SUFU: variants seen among roughly 807,000 people sequenced by gnomAD.
The protein encoded by SUFU is suppressor of fused homolog.
In SUFU, 7 loss-of-function variants were observed where a neutral mutation model predicts 58.9. The observed-to-expected ratio is 0.12, with a 90% CI of 0.07 to 0.22. The LOEUF (loss-of-function observed/expected upper bound fraction) is 0.22, where lower values mean the gene tolerates loss of function less well. Ranked by LOEUF, SUFU falls within the 10% of genes least tolerant of loss-of-function variation. The probability of loss-of-function intolerance (pLI) is 1.00; values close to 1 mark genes in which losing one functional copy is unlikely to be tolerated. For synonymous variants in SUFU, 232 were observed against 254.8 expected (o/e 0.91, Z 0.85); for missense variants, 451 against 641.3 (o/e 0.70, Z 3.20).
chr10:102,551,946 C>T (rs1164903744), intron 3 of SUFU, among the ~76,000 whole-genome samples: 2 of 151,564 alleles, frequency 1.3e-5, no homozygotes, highest in Non-Finnish European at 2.9e-5. Context: ...AGGACGGTCT[C>T]GATCTCCTGA....
intron 3 of SUFU, among the ~76,000 whole-genome samples, chr10:102,561,314 G>A (rs1412747416): frequency 6.6e-6 from 1 of 152,178 alleles, no homozygotes; most frequent in Non-Finnish European, 1.5e-5. Context: ...TCCAGTAAAT[G>A]TTATCGTTAT....
At chr10:102,531,665 G>A (rs548397982) in intron 2 of SUFU, among the ~76,000 whole-genome samples, 1 of 152,276 alleles carries the variant, frequency 6.6e-6, no homozygotes, top group African/African-American at 2.4e-5. Context: ...TCCCAAATAA[G>A]GGATTGGTGC....
At chr10:102,573,835 A>C (rs141175110) in intron 3 of SUFU, among the ~76,000 whole-genome samples, 15 of 152,282 alleles carry the variant, frequency 9.9e-5, no homozygotes, top group Non-Finnish European at 2.1e-4. Context: ...GAAGCAGTGG[A>C]ATGGGGAGTT....
intron 2 of SUFU, among the ~76,000 whole-genome samples, chr10:102,545,244 G>A (rs1312676169): frequency 1.3e-5 from 2 of 151,102 alleles, no homozygotes. Context: ...CCCCCACCCT[G>A]GGTAGCTGGG....
rs919110211 is a variant in SUFU, at chr10:102,597,190, C to T, written c.807C>T (p.Val269=). 5 of 1,613,902 alleles carry T rather than the reference C, an allele frequency of 3.1e-6. No individual in the cohort carries two copies. The African/African-American group carries it at 5.3e-5, about 17-fold the overall frequency. ...CAGATGGCTCCAACCTGAGTGGTGT[C>T]AGTGCCAAGTGTGCCTGGGATGACC... The part of the protein sequence containing the change: ...IETDGSNLSG[V]SAKCAWDDLS... Residue 269 remains valine (V), a synonymous_variant, in exon 7 of 12, where the codon GTC becomes GTT. Coordinates refer to ENST00000369902, the MANE Select transcript of SUFU (RefSeq NM_016169.4).
chr10:102,519,137 C>CAAAAAA (rs386372286), intron 2 of SUFU, among the ~76,000 whole-genome samples: 1 of 86,754 alleles, frequency 1.2e-5, no homozygotes, highest in African/African-American at 4.5e-5. Context: ...GACTCTGTCT[C>CAAAAAA]AAAAAAAAAA....
intron 1 of SUFU, among the ~76,000 whole-genome samples, chr10:102,506,009 G>A (rs2062320827): frequency 1.4e-5 from 2 of 147,142 alleles, no homozygotes; most frequent in South Asian, 4.3e-4. Context: ...CCAGTGTGGG[G>A]AGCGTAGCCA....
At chr10:102,508,082 C>T (rs2062352612) in intron 1 of SUFU, among the ~76,000 whole-genome samples, 1 of 151,504 alleles carries the variant, frequency 6.6e-6, no homozygotes, top group African/African-American at 2.4e-5. Context: ...TCTCCTGCCT[C>T]AGCCTCTCAA....
rs117369845 is a variant in SUFU at position 102,546,937 on chromosome 10, A to G, written c.318-3033A>G. ...ATGGTGGACACATGCGTGTGCACGC[A>G]TGCACACCTCTAGGCGCGTGTGCAC... On this transcript the variant is annotated intron_variant, in intron 2 of 11. Transcript: ENST00000369902. 1.7e-4 allele frequency among the ~76,000 whole-genome samples: 26 copies of G among 152,362 alleles called. No homozygotes were observed. In the East Asian group the frequency reaches 4.8e-3, roughly 28 times the overall value.
intron 2 of SUFU, among the ~76,000 whole-genome samples, chr10:102,542,084 A>ATGT: frequency 6.7e-6 from 1 of 149,182 alleles, no homozygotes; most frequent in African/African-American, 2.5e-5. Context: ...GGGTTTCTCC[A>ATGT]TGTTGGTCAG....
chr10:102,623,232 G>C (rs903859799), intron 10 of SUFU, among the ~76,000 whole-genome samples: 17 of 152,320 alleles, frequency 1.1e-4, no homozygotes, highest in African/African-American at 4.1e-4. Flanking sequence ...ATATCAGTGA[G>C]TGCTGTTATC....
intron 2 of SUFU, among the ~76,000 whole-genome samples, chr10:102,528,704 A>C (rs2062640701): frequency 6.6e-6 from 1 of 152,250 alleles, no homozygotes; most frequent in African/African-American, 2.4e-5. Context: ...CAGCCGAATC[A>C]GTGCTGGGAG....
chr10:102,593,056 C>T (rs1349562581), intron 4 of SUFU, among the ~76,000 whole-genome samples: 1 of 152,172 alleles, frequency 6.6e-6, no homozygotes, highest in African/African-American at 2.4e-5. Context: ...GTCGTCCTTG[C>T]TCTTTGCCAG....
intron 3 of SUFU, among the ~76,000 whole-genome samples, chr10:102,569,044 C>G (rs2063135142): frequency 6.7e-6 from 1 of 149,448 alleles, no homozygotes; most frequent in South Asian, 2.1e-4. Flanking sequence ...ATAGACCCCT[C>G]TGGATGAACT....
chr10:102,604,519 T>C (rs1479963811), intron 8 of SUFU, among the ~76,000 whole-genome samples: 2 of 152,168 alleles, frequency 1.3e-5, no homozygotes. Context: ...TCCCCCTCCC[T>C]CGAGTTGCAC....
At chr10:102,564,656 G>C (rs926019161) in intron 3 of SUFU, among the ~76,000 whole-genome samples, 8 of 152,064 alleles carry the variant, frequency 5.3e-5, no homozygotes, top group African/African-American at 1.9e-4. Flanking sequence ...TCCTGGTTTC[G>C]CTAAGCTGCC....
At chr10:102,540,767 A>G (rs1041828349) in intron 2 of SUFU, among the ~76,000 whole-genome samples, 1 of 151,390 alleles carries the variant, frequency 6.6e-6, no homozygotes. Context: ...CACACCTACA[A>G]TCCTAGCGCT....
chr10:102,625,688 A>G lies in SUFU; in HGVS notation c.1297-1487A>G, dbSNP rs1258237142. 8.5e-5 allele frequency among the ~76,000 whole-genome samples: 13 copies of G among 152,178 alleles called. No homozygotes were observed. Among genetic ancestry groups the G allele is most frequent in the Non-Finnish European group, 1.6e-4 (11 of 68,042 alleles). On this transcript the variant is annotated intron_variant, in intron 10 of 11. Coordinates refer to ENST00000369902, the MANE Select transcript of SUFU (RefSeq NM_016169.4). The surrounding 1 kb of genome is among the most constrained non-coding windows in gnomAD (Gnocchi z 4.7). ...TAACCTGCCTGTGCCTGTTTCCTCC[A>G]CTGTAAGGAGACATGGAGATGAGCA...
chr10:102,627,278 C>CAGAGACGGGACCTGTT, intron 11 of SUFU, 35 bp downstream of exon 11: 2 of 1,585,838 alleles, frequency 1.3e-6, no homozygotes, highest in Non-Finnish European at 1.7e-6. Context: ...CAACAGGTCC[C>CAGAGACGGGACCTGTT]GTCTCTGGGA....
Sources: allele counts gnomAD v4.1 joint callset (sites outside exome capture counted in the v4.1 genomes callset), GRCh38; gene constraint gnomAD v4.1.1; non-coding constraint Gnocchi (gnomAD v3.1); transcripts MANE v1.5; gene names NCBI Gene and HGNC (gene_info 2026-07-23, HGNC 2026-07-21).